The following SLC38A10 variants were observed in gnomAD, a reference collection of about 807,000 sequenced individuals.
SLC38A10 encodes solute carrier family 38 member 10.
SLC38A10 carries 53 observed loss-of-function variants against 81.0 expected under a neutral mutation model. The observed-to-expected ratio is 0.65, with a 90% CI of 0.53 to 0.82. The LOEUF (loss-of-function observed/expected upper bound fraction) is 0.82. Ranked by LOEUF, SLC38A10 falls within the 40% of genes least tolerant of loss-of-function variation. The probability of loss-of-function intolerance (pLI) is 0.00; values close to 1 mark genes in which losing one functional copy is unlikely to be tolerated. For missense variants in SLC38A10, 1,471 were observed against 1,545.0 expected (o/e 0.95, Z 0.80); for synonymous variants, 665 against 655.3 (o/e 1.01, Z -0.23).
chr17:81,259,556 C>A (rs965197050), intron 11 of SLC38A10, among the ~76,000 whole-genome samples: 2 of 152,188 alleles, frequency 1.3e-5, no homozygotes, highest in Non-Finnish European at 2.9e-5. Context: ...CCTCTCTAGG[C>A]CTGGGAGGGT....
At chr17:81,249,123 G>A (rs1370095618) in intron 14 of SLC38A10, among the ~76,000 whole-genome samples, 1 of 151,064 alleles carries the variant, frequency 6.6e-6, no homozygotes, top group East Asian at 2.0e-4. Context: ...CAGGCACCAT[G>A]GCCTCACTTG....
rs763833422 is a variant in SLC38A10, at chr17:81,283,515, G to T, written c.264-13C>A. 5 of 1,597,156 alleles carry T rather than the reference G, an allele frequency of 3.1e-6. No homozygotes were observed. The highest frequency in any genetic ancestry group is 4.3e-6 in the Non-Finnish European group (5 of 1,171,142). On this transcript the variant is annotated splice_polypyrimidine_tract_variant and intron_variant, in intron 3 of 15. Coordinates refer to ENST00000374759, the MANE Select transcript of SLC38A10 (RefSeq NM_001037984.3). This position sits in a 1 kb window ranked among gnomAD's most constrained non-coding sequence, Gnocchi z 4.7. ...CAGCCCGATCATGCTGCACAGGGACGGGGGGTACGGGAAATGCCATCAGGG... is the reference window on the plus strand; with the variant it reads ...CAGCCCGATCATGCTGCACAGGGACTGGGGGTACGGGAAATGCCATCAGGG...
chr17:81,250,995 G>C (rs908684314), intron 14 of SLC38A10: 2 of 1,371,048 alleles, frequency 1.5e-6, no homozygotes, highest in African/African-American at 2.9e-5. Context: ...GAGGGTGTGG[G>C]AGCAGTGCTC....
chr17:81,275,116 C>G (rs1247075935), intron 8 of SLC38A10, among the ~76,000 whole-genome samples: 3 of 152,138 alleles, frequency 2.0e-5, no homozygotes, highest in African/African-American at 7.2e-5. Flanking sequence ...TGATGTTGCC[C>G]AGGCTAGTTT....
At position 81,276,325 on chromosome 17, in the gene SLC38A10, C is replaced by T. The variant is rs1002734560; in HGVS notation, c.730-174G>A. The stretch of plus-strand genomic sequence containing the variant: ...GCCTTCCAGGGGCAAGGCACCATTT[C>T]GCCTCCTCCTTCTAAAAATCTCTAG... On this transcript the variant is annotated intron_variant, in intron 7 of 15. Coordinates refer to ENST00000374759, the MANE Select transcript of SLC38A10 (RefSeq NM_001037984.3). The surrounding 1 kb of genome is among the most constrained non-coding windows in gnomAD (Gnocchi z 4.7). 3.3e-5 allele frequency among the ~76,000 whole-genome samples: 5 copies of T among 152,078 alleles called. No homozygotes were observed. The highest frequency in any genetic ancestry group is 2.1e-4 in the South Asian group (1 of 4,822).
Position 81,289,880 on chromosome 17 carries a change from G to A in SLC38A10, c.100-72C>T, listed in dbSNP as rs899331366. On this transcript the variant is annotated intron_variant, in intron 1 of 15. Coordinates refer to ENST00000374759, the MANE Select transcript of SLC38A10 (RefSeq NM_001037984.3). The surrounding 1 kb of genome is among the most constrained non-coding windows in gnomAD (Gnocchi z 5.9). ...CCAGAGGCCCTCACCCCACACACGC[G>A]GCTCATGAGGACCCTCTTCACCCCC... 3.1e-5 allele frequency: 39 copies of A among 1,261,824 alleles called. No homozygotes were observed. Among genetic ancestry groups the A allele is most frequent in the African/African-American group, 2.6e-4 (17 of 66,044 alleles). The allele number at this position is 1,261,824 out of a possible 1,614,324, so 78.2% of individuals were successfully genotyped here. A position where few individuals can be genotyped will look rare whatever the true frequency, so the allele number is the denominator to read the frequency against.
chr17:81,258,951 C>T (rs962477679), intron 11 of SLC38A10, among the ~76,000 whole-genome samples: 11 of 152,372 alleles, frequency 7.2e-5, no homozygotes, highest in East Asian at 5.8e-4. Context: ...TGCCCACCTT[C>T]GCCATCCGGG....
intron 14 of SLC38A10, 164 bp from the exon 15 acceptor site, chr17:81,247,225 G>A (rs1216247282): frequency 6.9e-6 from 5 of 727,744 alleles, no homozygotes; most frequent in South Asian, 4.7e-5. Flanking sequence ...CGTGAAGCCC[G>A]GACAGCTCAG....
At chr17:81,266,111 C>T (rs1002481779) in intron 10 of SLC38A10, among the ~76,000 whole-genome samples, 2 of 152,236 alleles carry the variant, frequency 1.3e-5, no homozygotes, top group African/African-American at 4.8e-5. Flanking sequence ...GACGCGCCAG[C>T]CACTCACACC....
chr17:81,247,679 A>C (rs1353118508), intron 14 of SLC38A10: 1 of 149,752 alleles, frequency 6.7e-6, no homozygotes, highest in Non-Finnish European at 1.5e-5. Flanking sequence ...CAAAAAAAAC[A>C]AAAAAATAAA....
chr17:81,261,701 G>A (rs764708736), intron 10 of SLC38A10, among the ~76,000 whole-genome samples: 2 of 152,234 alleles, frequency 1.3e-5, no homozygotes, highest in Non-Finnish European at 2.9e-5. Context: ...ATCTCCGGAC[G>A]CCAGGTGCTG....
At chr17:81,280,954 C>A (rs1219404268) in intron 5 of SLC38A10, among the ~76,000 whole-genome samples, 1 of 152,202 alleles carries the variant, frequency 6.6e-6, no homozygotes, top group East Asian at 1.9e-4. Context: ...TGCCTCAGAG[C>A]ACCCTGGTTC....
chr17:81,260,354 G>A lies in SLC38A10; in HGVS notation c.1172C>T (p.Thr391Ile), dbSNP rs1228531410. 2 of 1,611,196 alleles carry A rather than the reference G, an allele frequency of 1.2e-6. No individual in the cohort carries two copies. The highest frequency in any genetic ancestry group is 1.7e-6 in the Non-Finnish European group (2 of 1,179,328). ...WVGLGVLVVSTVTTLSVSEEV... is the reference protein window; with the variant it reads ...WVGLGVLVVSIVTTLSVSEEV... Reference sequence around the variant, plus strand: ...CTCGCTCACAGACAGTGTGGTGACAGTGCTCACCACCAGGACGCCCAGGCC... The same window carrying A: ...CTCGCTCACAGACAGTGTGGTGACAATGCTCACCACCAGGACGCCCAGGCC... Residue 391 changes from threonine (T) to isoleucine (I), a missense_variant, in exon 11 of 16, where the codon ACT (threonine) becomes ATT (isoleucine). By Grantham distance (89) the Thr-to-Ile change is moderately conservative. Around this residue, in one of 2 missense-constraint regions of SLC38A10, gnomAD observed 720 missense variants for 827.7 expected, o/e 0.87. Transcript: ENST00000374759.
chr17:81,290,413 A>C (rs900729547), intron 1 of SLC38A10, among the ~76,000 whole-genome samples: 1 of 152,232 alleles, frequency 6.6e-6, no homozygotes, highest in African/African-American at 2.4e-5. Flanking sequence ...GAATAAGGGA[A>C]TATTAGTCAG....
rs765925449 is a variant in SLC38A10 at position 81,284,861 on chromosome 17, C to T, written c.252G>A (p.Leu84=). Residue 84 remains leucine, a synonymous_variant, in exon 3 of 16, where the codon CTG becomes CTA. Transcript: ENST00000374759. The part of the protein sequence containing the change: ...FHAYGKAGKM[L]VETSMIGLML... ...AGGGCGGGGCTTACCTGGTCTCCAC[C>T]AGCATCTTGCCTGCCTTCCCGTAGG... is the stretch of plus-strand genomic sequence containing the variant. 5 of 1,544,756 alleles carry T rather than the reference C, an allele frequency of 3.2e-6. No individual in the cohort carries two copies. The South Asian group carries it at 6.0e-5, about 19-fold the overall frequency.
Position 81,261,889 on chromosome 17 carries a change from C to T in SLC38A10, c.1132-1495G>A, listed in dbSNP as rs183521286. 6.8e-4 allele frequency among the ~76,000 whole-genome samples: 104 copies of T among 152,296 alleles called. No individual in the cohort carries two copies. In the East Asian group the frequency reaches 0.019, roughly 27 times the overall value. On this transcript the variant is annotated intron_variant, in intron 10 of 15. Coordinates refer to ENST00000374759, the MANE Select transcript of SLC38A10 (RefSeq NM_001037984.3). ...CGGGGACACTGTCTGATGTACGTTCCGGAGGTCCGGACGGGGCCTGCAGGC... is the reference window on the plus strand; with the variant it reads ...CGGGGACACTGTCTGATGTACGTTCTGGAGGTCCGGACGGGGCCTGCAGGC...
At chr17:81,271,160 G>C (rs1178910497) in intron 9 of SLC38A10, 136 bp from the exon 10 acceptor site, 3 of 699,124 alleles carry the variant, frequency 4.3e-6, no homozygotes, top group Non-Finnish European at 7.2e-6. Flanking sequence ...CGGGAGCAGA[G>C]ACGCCCTCTG....
intron 11 of SLC38A10, among the ~76,000 whole-genome samples, chr17:81,256,271 C>A (rs1040400252): frequency 5.9e-5 from 9 of 152,340 alleles, no homozygotes; most frequent in Non-Finnish European, 7.3e-5. Context: ...TCTTTGGAGT[C>A]AGACATGCTC....
intron 14 of SLC38A10, chr17:81,251,235 T>C (rs2062908222): frequency 8.3e-6 from 12 of 1,452,252 alleles, no homozygotes; most frequent in Non-Finnish European, 1.1e-5. Context: ...GCAAGGGAGA[T>C]AAAACGGTAA....
Sources: allele counts gnomAD v4.1 joint callset (sites outside exome capture counted in the v4.1 genomes callset), GRCh38; gene constraint gnomAD v4.1.1; regional missense constraint gnomAD v4.1.1; non-coding constraint Gnocchi (gnomAD v3.1); transcripts MANE v1.5; gene names NCBI Gene and HGNC (gene_info 2026-07-23, HGNC 2026-07-21).